UHRF2: variants seen among roughly 807,000 people sequenced by gnomAD.
UHRF2 encodes the protein ubiquitin like with PHD and ring finger domains 2.
A neutral mutation model predicts 96.8 loss-of-function variants in UHRF2; 23 were observed. The ratio of observed to expected loss-of-function variants is 0.24; its 90% confidence interval spans 0.17 to 0.34. The LOEUF (loss-of-function observed/expected upper bound fraction) is 0.34. UHRF2 is among the 10% of genes least tolerant of loss of function. The probability of loss-of-function intolerance (pLI) is 1.00; values close to 1 mark genes in which losing one functional copy is unlikely to be tolerated. For synonymous variants in UHRF2, 385 were observed against 332.6 expected (o/e 1.16, Z -1.72); for missense variants, 685 against 981.5 (o/e 0.70, Z 4.04).
chr9:6,446,404 A>G (rs1171553985), intron 3 of UHRF2, among the ~76,000 whole-genome samples: 1 of 151,360 alleles, frequency 6.6e-6, no homozygotes, highest in Non-Finnish European at 1.5e-5. Context: ...CAGCCTCCCA[A>G]AGTGCTGGGT....
At chr9:6,447,763 C>T (rs1821604952) in intron 3 of UHRF2, among the ~76,000 whole-genome samples, 1 of 151,972 alleles carries the variant, frequency 6.6e-6, no homozygotes, top group Admixed American at 6.6e-5. Context: ...TTTTGGAAGG[C>T]ACAACACTAA....
intron 1 of UHRF2, among the ~76,000 whole-genome samples, chr9:6,416,080 T>C (rs1819582669): frequency 6.6e-6 from 1 of 152,146 alleles, no homozygotes. Flanking sequence ...TGTTTTTGTT[T>C]TTTTTTTAAG....
chr9:6,506,739 G>A lies in UHRF2; in HGVS notation c.*560G>A, dbSNP rs1816602489. 1 of 152,580 alleles carries A rather than the reference G, an allele frequency of 6.6e-6. No individual in the cohort carries two copies. Among genetic ancestry groups the A allele is most frequent in the Non-Finnish European group, 1.5e-5 (1 of 68,074 alleles). 9.5% of individuals were successfully genotyped at this position (152,580 alleles called of 1,614,324 possible). ...TGTGAACTCCATTGTGCTTTTTTCT[G>A]GTGTTTTATGCAAGTTGACTACTAA... is the stretch of plus-strand genomic sequence containing the variant. On this transcript the variant is annotated 3_prime_UTR_variant, in exon 16 of 16. Coordinates refer to ENST00000276893, the MANE Select transcript of UHRF2 (RefSeq NM_152896.3).
chr9:6,445,975 G>A (rs201466608), intron 3 of UHRF2, among the ~76,000 whole-genome samples: 5 of 52,560 alleles, frequency 9.5e-5, no homozygotes, highest in East Asian at 7.9e-4. Flanking sequence ...TTCCCCCCCC[G>A]CCACCCTTTT....
intron 1 of UHRF2, among the ~76,000 whole-genome samples, chr9:6,416,002 C>A (rs1246343976): frequency 6.6e-6 from 1 of 152,176 alleles, no homozygotes. Context: ...TTAACAAGAT[C>A]TCCAGGTGAT....
intron 2 of UHRF2, 149 bp downstream of exon 2, chr9:6,421,291 A>C: frequency 1.5e-6 from 1 of 656,688 alleles, no homozygotes; most frequent in Admixed American, 2.9e-5. Context: ...GTCTTTTAAA[A>C]ATTGATATGA....
At chr9:6,430,635 A>G (rs983520395) in intron 2 of UHRF2, among the ~76,000 whole-genome samples, 23 of 152,074 alleles carry the variant, frequency 1.5e-4, no homozygotes, top group Admixed American at 5.9e-4. Flanking sequence ...CACCAAGCCA[A>G]TATTCCGCCC....
intron 4 of UHRF2, among the ~76,000 whole-genome samples, chr9:6,474,793 C>T (rs934887195): frequency 3.2e-4 from 49 of 152,022 alleles, no homozygotes; most frequent in Admixed American, 2.2e-3. Context: ...TATATACAAA[C>T]AAATATGAAT....
intron 4 of UHRF2, among the ~76,000 whole-genome samples, chr9:6,472,774 T>A (rs1823324348): frequency 6.6e-6 from 1 of 152,212 alleles, no homozygotes; most frequent in Non-Finnish European, 1.5e-5. Flanking sequence ...CTGGCAACAA[T>A]GTCTTGCGTG....
chr9:6,420,301 C>G (rs565416956), intron 1 of UHRF2, among the ~76,000 whole-genome samples: 1 of 151,912 alleles, frequency 6.6e-6, no homozygotes, highest in Admixed American at 6.5e-5. Context: ...GTCATCTGCT[C>G]TTTTCGGCCT....
intron 9 of UHRF2, among the ~76,000 whole-genome samples, chr9:6,488,426 A>G (rs993641933): frequency 6.6e-6 from 1 of 150,922 alleles, no homozygotes; most frequent in African/African-American, 2.4e-5. Flanking sequence ...CTGAACATTT[A>G]TATTACCACA....
At chr9:6,503,841 G>A (rs1322726701) in intron 14 of UHRF2, among the ~76,000 whole-genome samples, 3 of 151,784 alleles carry the variant, frequency 2.0e-5, no homozygotes. Flanking sequence ...TTTGTCCCTG[G>A]AATGTGACAT....
At chr9:6,429,522 G>C (rs556346788) in intron 2 of UHRF2, among the ~76,000 whole-genome samples, 2 of 152,082 alleles carry the variant, frequency 1.3e-5, no homozygotes, top group African/African-American at 4.8e-5. Context: ...AGAGATGGGG[G>C]TTTTAGCCAT....
intron 3 of UHRF2, among the ~76,000 whole-genome samples, chr9:6,451,221 A>G (rs941605621): frequency 3.3e-5 from 5 of 152,180 alleles, no homozygotes; most frequent in African/African-American, 1.2e-4. Flanking sequence ...TGGGCTGTCT[A>G]GTGAACTTGG....
intron 2 of UHRF2, among the ~76,000 whole-genome samples, chr9:6,428,209 C>G (rs975228417): frequency 6.6e-6 from 1 of 152,098 alleles, no homozygotes; most frequent in Admixed American, 6.6e-5. Context: ...CAGTACAGTT[C>G]TTGATGTTTA....
chr9:6,467,480 A>T (rs1480441464), intron 4 of UHRF2, among the ~76,000 whole-genome samples: 6 of 151,894 alleles, frequency 4.0e-5, no homozygotes, highest in Admixed American at 3.9e-4. Flanking sequence ...TGCCTGTCAT[A>T]CCACTGGAAT....
At position 6,413,511 on chromosome 9, in the gene UHRF2, C is replaced by T. The variant is rs764565657; in HGVS notation, c.21C>T (p.Thr7=). The change falls in exon 1 of 16, where the codon ACC becomes ACT. Residue 7 remains threonine (T), a synonymous_variant. Coordinates refer to ENST00000276893, the MANE Select transcript of UHRF2 (RefSeq NM_152896.3). ...CCAAGATGTGGATACAGGTTCGCAC[C>T]ATTGATGGCTCCAAGACGTGCACCA... MWIQVR[T]IDGSKTCTIE... 2.5e-6 allele frequency: 4 copies of T among 1,582,854 alleles called. No individual in the cohort carries two copies. Among genetic ancestry groups the T allele is most frequent in the East Asian group, 2.5e-5 (1 of 40,784 alleles).
intron 4 of UHRF2, among the ~76,000 whole-genome samples, chr9:6,469,738 ATATATATACACG>A (rs1206394977): frequency 6.0e-5 from 9 of 150,512 alleles, no homozygotes; most frequent in Admixed American, 5.3e-4. Flanking sequence ...ATATACGTGT[ATATATATACACG>A]TATATATACA....
intron 6 of UHRF2, among the ~76,000 whole-genome samples, chr9:6,478,918 A>G (rs752899893): frequency 1.3e-5 from 2 of 152,148 alleles, no homozygotes; most frequent in African/African-American, 4.8e-5. Flanking sequence ...CTGACGTCTC[A>G]TATTTTCCTT....
Sources: gnomAD v4.1 joint callset for allele counts (sites outside exome capture counted in the v4.1 genomes callset) on GRCh38, gnomAD v4.1.1 for gene constraint, MANE v1.5 for transcripts, NCBI Gene and HGNC (gene_info 2026-07-23, HGNC 2026-07-21) for gene names.